SGCZ: variants seen among roughly 807,000 people sequenced by gnomAD.
SGCZ encodes zeta-sarcoglycan.
In SGCZ, 40 loss-of-function variants were observed where a neutral mutation model predicts 41.3. The ratio of observed to expected loss-of-function variants is 0.97; its 90% CI spans 0.75 to 1.26. The LOEUF (loss-of-function observed/expected upper bound fraction) is 1.26. Among genes scored for constraint, SGCZ ranks in the 50% most tolerant of loss-of-function variants. The pLI is 0.00. For synonymous variants in SGCZ, 206 were observed against 137.5 expected (o/e 1.50, Z -3.49); for missense variants, 552 against 369.8 (o/e 1.49, Z -4.04).
At chr8:15,070,703 T>G (rs186852041) in intron 1 of SGCZ, among the ~76,000 whole-genome samples, 6 of 152,324 alleles carry the variant, frequency 3.9e-5, no homozygotes, top group Non-Finnish European at 7.4e-5. Context: ...TATTTAGATT[T>G]AACATTTTAC....
intron 1 of SGCZ, among the ~76,000 whole-genome samples, chr8:14,653,892 C>T (rs1206889438): frequency 6.6e-6 from 1 of 151,970 alleles, no homozygotes; most frequent in Non-Finnish European, 1.5e-5. Context: ...TTTTTGAAAG[C>T]TCTATTACTC....
chr8:14,346,850 CTAAGAA>C, intron 2 of SGCZ, among the ~76,000 whole-genome samples: 1 of 152,056 alleles, frequency 6.6e-6, no homozygotes, highest in East Asian at 1.9e-4. Flanking sequence ...TTATTTTAAA[CTAAGAA>C]TAAAGTTTAG....
chr8:14,125,758 A>G (rs1248586134), intron 5 of SGCZ, among the ~76,000 whole-genome samples: 2 of 152,200 alleles, frequency 1.3e-5, no homozygotes, highest in Non-Finnish European at 2.9e-5. Context: ...ATCACATGGT[A>G]CTGGTACCAT....
chr8:14,359,932 TTA>T (rs1803448621), intron 2 of SGCZ, among the ~76,000 whole-genome samples: 1 of 152,158 alleles, frequency 6.6e-6, no homozygotes. Context: ...CCATTGGGAT[TTA>T]TCTCACGGAT....
intron 2 of SGCZ, among the ~76,000 whole-genome samples, chr8:14,341,078 T>C (rs780410330): frequency 6.6e-6 from 1 of 152,176 alleles, no homozygotes; most frequent in South Asian, 2.1e-4. Flanking sequence ...TCTTCAAGAG[T>C]CATCTATGTT....
At chr8:14,493,895 C>CAAT (rs1258363834) in intron 2 of SGCZ, among the ~76,000 whole-genome samples, 1 of 152,014 alleles carries the variant, frequency 6.6e-6, no homozygotes, top group Non-Finnish European at 1.5e-5. Context: ...CACTCTTTGG[C>CAAT]AATAAGTCTA....
rs1472276147 is a variant in SGCZ, at chr8:14,087,639, T to C, written c.*2804A>G. 1.3e-5 allele frequency among the ~76,000 whole-genome samples: 2 copies of C among 151,586 alleles called. No individual in the cohort carries two copies. The highest frequency in any genetic ancestry group is 4.8e-5 in the African/African-American group (2 of 41,304). On this transcript the variant is annotated 3_prime_UTR_variant, in exon 8 of 8. Coordinates refer to ENST00000382080, the MANE Select transcript of SGCZ (RefSeq NM_139167.4). ...AAGTAAACTGCATTTTATTTATACA[T>C]ATTGTAACATAAAGATGGTACTGGG...
chr8:14,721,412 C>G (rs1427135454), intron 1 of SGCZ, among the ~76,000 whole-genome samples: 1 of 152,124 alleles, frequency 6.6e-6, no homozygotes, highest in Non-Finnish European at 1.5e-5. Context: ...ATCTGAAAAC[C>G]TGATCCTTCT....
At chr8:14,659,295 C>T (rs568565125) in intron 1 of SGCZ, among the ~76,000 whole-genome samples, 1 of 152,064 alleles carries the variant, frequency 6.6e-6, no homozygotes, top group Non-Finnish European at 1.5e-5. Flanking sequence ...TGGTGATTAA[C>T]CCGATTTGAT....
intron 1 of SGCZ, among the ~76,000 whole-genome samples, chr8:15,204,116 C>G (rs1800984340): frequency 6.6e-6 from 1 of 152,166 alleles, no homozygotes; most frequent in Non-Finnish European, 1.5e-5. Flanking sequence ...AACAGCACTT[C>G]TGTTACACAT....
chr8:14,538,838 A>G (rs994131589), intron 2 of SGCZ, among the ~76,000 whole-genome samples: 2 of 151,914 alleles, frequency 1.3e-5, no homozygotes, highest in Non-Finnish European at 2.9e-5. Flanking sequence ...ATTTTAAGAT[A>G]GACCAAGTGT....
intron 2 of SGCZ, among the ~76,000 whole-genome samples, chr8:14,401,794 T>C (rs1365098789): frequency 6.6e-6 from 1 of 150,972 alleles, no homozygotes; most frequent in Non-Finnish European, 1.5e-5. Flanking sequence ...GTCCTTTGGG[T>C]ATATACCCAG....
intron 1 of SGCZ, among the ~76,000 whole-genome samples, chr8:14,729,792 G>C (rs542035016): frequency 6.6e-6 from 1 of 152,168 alleles, no homozygotes; most frequent in Non-Finnish European, 1.5e-5. Context: ...TTAAAATATA[G>C]TGCCTTTTAA....
At chr8:15,013,016 T>G (rs1437451419) in intron 1 of SGCZ, among the ~76,000 whole-genome samples, 1 of 152,096 alleles carries the variant, frequency 6.6e-6, no homozygotes, top group Non-Finnish European at 1.5e-5. Context: ...TGGTGTCTGG[T>G]GCCAACTTCT....
chr8:14,510,632 C>T (rs1271391760), intron 2 of SGCZ, among the ~76,000 whole-genome samples: 2 of 152,042 alleles, frequency 1.3e-5, no homozygotes, highest in Non-Finnish European at 2.9e-5. Context: ...ATTGGTAGAA[C>T]ATCATGAAGT....
chr8:14,337,021 G>C lies in SGCZ; in HGVS notation c.235-12817C>G, dbSNP rs775722786. On this transcript the variant is annotated intron_variant, in intron 2 of 7. Coordinates refer to ENST00000382080, the MANE Select transcript of SGCZ (RefSeq NM_139167.4). Reference sequence around the variant, plus strand: ...GCTGTCCATATGGCCATTAAAGGAAGGACCTATTTTCCCAATTACTGGGAG... The same window carrying C: ...GCTGTCCATATGGCCATTAAAGGAACGACCTATTTTCCCAATTACTGGGAG... 4.3e-4 allele frequency among the ~76,000 whole-genome samples: 66 copies of C among 152,094 alleles called. 1 individual carries two copies. The highest frequency in any genetic ancestry group is 2.1e-4 in the Non-Finnish European group (14 of 68,008).
chr8:14,147,418 C>T (rs1343905843), intron 5 of SGCZ, among the ~76,000 whole-genome samples: 1 of 152,026 alleles, frequency 6.6e-6, no homozygotes, highest in African/African-American at 2.4e-5. Context: ...AGTTGCTATA[C>T]TCATATCAGA....
At chr8:14,757,859 G>A (rs189944310) in intron 1 of SGCZ, among the ~76,000 whole-genome samples, 1 of 152,088 alleles carries the variant, frequency 6.6e-6, no homozygotes. Context: ...CTATAAAATG[G>A]AAACTACAAT....
At chr8:14,954,853 T>C (rs1800745685) in intron 1 of SGCZ, among the ~76,000 whole-genome samples, 3 of 152,188 alleles carry the variant, frequency 2.0e-5, no homozygotes, top group Admixed American at 1.3e-4. Flanking sequence ...AATAAATGTG[T>C]GGACTGTTAA....
Sources: allele counts gnomAD v4.1 joint callset (sites outside exome capture counted in the v4.1 genomes callset), GRCh38; gene constraint gnomAD v4.1.1; transcripts MANE v1.5; gene names NCBI Gene and HGNC (gene_info 2026-07-23, HGNC 2026-07-21).